The following FAM135A variants were observed in gnomAD, a reference collection of about 807,000 sequenced individuals.
FAM135A encodes the protein protein FAM135A.
FAM135A carries 79 observed loss-of-function variants against 146.8 expected under a neutral mutation model. The observed-to-expected ratio is 0.54, with a 90% CI of 0.45 to 0.65. The LOEUF is 0.65. Ranked by LOEUF, FAM135A falls within the 30% of genes least tolerant of loss-of-function variation. The pLI, the probability that FAM135A is intolerant of heterozygous loss-of-function variation, is 0.00. For synonymous variants in FAM135A, 562 were observed against 603.6 expected, an observed-to-expected ratio of 0.93 and a Z score of 1.01; for missense variants, 1,623 against 1,758.2, an observed-to-expected ratio of 0.92 and a Z score of 1.38.
intron 12 of FAM135A, among the ~76,000 whole-genome samples, chr6:70,509,383 T>C (rs892299193): frequency 1.3e-5 from 2 of 152,210 alleles, no homozygotes; most frequent in African/African-American, 2.4e-5. Context: ...TGCCTGTTTA[T>C]GTTTTTGATT....
intron 5 of FAM135A, among the ~76,000 whole-genome samples, chr6:70,470,637 G>A (rs554541289): frequency 4.6e-5 from 7 of 152,308 alleles, no homozygotes; most frequent in South Asian, 2.1e-4. Flanking sequence ...AATTACAGGC[G>A]TGAGCCACTG....
In FAM135A at chr6:70,524,871, A is replaced by T. The variant is rs769475806; in HGVS notation, c.1787A>T (p.Asp596Val). The change falls in exon 15 of 22, where the codon GAC becomes GTC. Residue 596 changes from aspartate to valine, a missense_variant. By Grantham distance (152) the Asp-to-Val change is radical. Coordinates refer to ENST00000418814, the MANE Select transcript of FAM135A (RefSeq NM_001162529.3). ...CCAGATATTGAAAATGTTCAACCAG[A>T]CCAGTTTGATCCTTTGAACTCTGGC... ...KSPDIENVQP[D>V]QFDPLNSGNL... The T allele has an allele frequency of 2.5e-5, 41 of 1,610,658 alleles. No individual in the cohort carries two copies. Among genetic ancestry groups the T allele is most frequent in the Middle Eastern group, 3.3e-4 (2 of 6,084 alleles).
chr6:70,555,568 T>C (rs997247152), intron 20 of FAM135A, among the ~76,000 whole-genome samples: 2 of 150,942 alleles, frequency 1.3e-5, no homozygotes, highest in African/African-American at 2.4e-5. Context: ...ATCAGTTTTC[T>C]TAAAGCTATA....
chr6:70,513,922 T>C lies in FAM135A; in HGVS notation c.1030-8591T>C, dbSNP rs552687267. 3.3e-4 allele frequency among the ~76,000 whole-genome samples: 50 copies of C among 152,156 alleles called. 1 individual carries two copies. Among genetic ancestry groups the C allele is most frequent in the Non-Finnish European group, 5.2e-4 (35 of 67,940 alleles). On this transcript the variant is annotated intron_variant, in intron 12 of 21. Transcript: ENST00000418814. ...TGGCTGCCTTTAGGATTTTTCTCCTTGTCTTTGTTTTCCAGCAGTTTGACT... is the reference window on the plus strand; with the variant it reads ...TGGCTGCCTTTAGGATTTTTCTCCTCGTCTTTGTTTTCCAGCAGTTTGACT...
chr6:70,532,777 A>G (rs1256168574), intron 16 of FAM135A, among the ~76,000 whole-genome samples: 1 of 152,166 alleles, frequency 6.6e-6, no homozygotes, highest in Non-Finnish European at 1.5e-5. Flanking sequence ...CTAAAAATAC[A>G]AAATATTAGC....
At chr6:70,426,242 A>C (rs1044104059) in intron 2 of FAM135A, among the ~76,000 whole-genome samples, 197 bp from the exon 3 acceptor site, 8 of 152,186 alleles carry the variant, frequency 5.3e-5, no homozygotes, top group African/African-American at 1.9e-4. Flanking sequence ...TGAATCCTTA[A>C]TAGAGATATA....
intron 20 of FAM135A, among the ~76,000 whole-genome samples, chr6:70,550,779 A>G (rs989410857): frequency 3.3e-5 from 5 of 152,186 alleles, no homozygotes; most frequent in South Asian, 2.1e-4. Context: ...CTTTCTATCT[A>G]TGAAGTCATG....
At chr6:70,452,060 A>G (rs1485224512) in intron 4 of FAM135A, among the ~76,000 whole-genome samples, 2 of 152,022 alleles carry the variant, frequency 1.3e-5, no homozygotes, top group East Asian at 3.8e-4. Context: ...ACCAACTGAT[A>G]TCTTCATTTT....
At chr6:70,416,855 A>G (rs1304563099) in intron 2 of FAM135A, among the ~76,000 whole-genome samples, 1 of 152,246 alleles carries the variant, frequency 6.6e-6, no homozygotes, top group African/African-American at 2.4e-5. Flanking sequence ...GTTACAAAGC[A>G]TAAGTGATTA....
rs1015971528 is a variant in FAM135A at position 70,526,764 on chromosome 6, C to T, written c.3614+66C>T. ...ACATATATATATACACACACACACA[C>T]ATACACACACACACACACACACACA... On this transcript the variant is annotated intron_variant, in intron 15 of 21. Transcript: ENST00000418814. 52 of 594,120 alleles carry T rather than the reference C, an allele frequency of 8.8e-5. No individual in the cohort carries two copies. The African/African-American group carries it at 1.1e-3, about 13-fold the overall frequency. 36.8% of individuals were successfully genotyped at this position (594,120 alleles called of 1,614,324 possible). A position where few individuals can be genotyped will look rare whatever the true frequency, so the allele number is the denominator to read the frequency against.
intron 15 of FAM135A, among the ~76,000 whole-genome samples, chr6:70,527,397 G>C (rs962046596): frequency 2.0e-5 from 3 of 152,070 alleles, no homozygotes; most frequent in African/African-American, 7.2e-5. Flanking sequence ...AAAGTTCCCA[G>C]ATTATTCTGA....
chr6:70,418,465 G>A (rs1768025001), intron 2 of FAM135A: 1 of 152,446 alleles, frequency 6.6e-6, no homozygotes, highest in Admixed American at 6.5e-5. Flanking sequence ...GAGTAGCTGG[G>A]ATTACAGGCC....
At position 70,525,712 on chromosome 6, in the gene FAM135A, G is replaced by T; in HGVS notation, c.2628G>T (p.Thr876=). The part of the protein sequence containing the change: ...NDSKTVLNLG[T]TDLPKCDDTK... ...GCAAAACTGTATTAAATCTAGGAAC[G>T]ACTGATTTGCCAAAATGTGATGATA... The change falls in exon 15 of 22, where the codon ACG becomes ACT. Residue 876 remains threonine (T), a synonymous_variant. Transcript: ENST00000418814. The T allele has an allele frequency of 1.2e-6, 2 of 1,612,740 alleles. No individual in the cohort carries two copies. The highest frequency in any genetic ancestry group is 2.2e-5 in the South Asian group (2 of 90,808).
chr6:70,532,947 G>A (rs1406480513), intron 16 of FAM135A, among the ~76,000 whole-genome samples: 1 of 151,446 alleles, frequency 6.6e-6, no homozygotes, highest in African/African-American at 2.4e-5. Context: ...AAAAAAGAAA[G>A]AAAAAAGAAA....
At chr6:70,481,143 G>C in intron 9 of FAM135A, 116 bp downstream of exon 9, 3 of 947,884 alleles carry the variant, frequency 3.2e-6, no homozygotes, top group Non-Finnish European at 4.4e-6. Flanking sequence ...GCAACTTATA[G>C]ATCTAATTAA....
intron 11 of FAM135A, among the ~76,000 whole-genome samples, chr6:70,502,431 G>A (rs2223997): frequency 0.023 from 3,437 of 151,808 alleles, 158 homozygotes; most frequent in African/African-American, 0.079. Context: ...TTAAGTTGTT[G>A]AAAATTCTTT....
chr6:70,440,605 T>A (rs895354989), intron 4 of FAM135A, among the ~76,000 whole-genome samples: 2 of 152,212 alleles, frequency 1.3e-5, no homozygotes, highest in African/African-American at 4.8e-5. Flanking sequence ...GGAGAATTGC[T>A]TGAACCTGGG....
chr6:70,536,987 G>A (rs1796908638), intron 19 of FAM135A, among the ~76,000 whole-genome samples: 1 of 148,848 alleles, frequency 6.7e-6, no homozygotes, highest in Admixed American at 6.7e-5. Context: ...CCAGGCTGGA[G>A]TGCAGTGGCG....
intron 19 of FAM135A, among the ~76,000 whole-genome samples, chr6:70,537,105 T>G (rs1796932214): frequency 6.6e-6 from 1 of 152,014 alleles, no homozygotes; most frequent in Non-Finnish European, 1.5e-5. Flanking sequence ...CCAGCTAATT[T>G]TTGTATTTTT....
Sources: allele counts gnomAD v4.1 joint callset (sites outside exome capture counted in the v4.1 genomes callset), GRCh38; gene constraint gnomAD v4.1.1; transcripts MANE v1.5; gene names NCBI Gene and HGNC (gene_info 2026-07-23, HGNC 2026-07-21).